The following CAMKMT variants were observed in gnomAD, a reference collection of about 807,000 sequenced individuals.
CAMKMT encodes calmodulin-lysine N-methyltransferase, also known as CaM KMT.
Under a neutral mutation model 48.0 loss-of-function variants are expected in CAMKMT, and 53 were observed. The ratio of observed to expected loss-of-function variants is 1.10; its 90% CI spans 0.89 to 1.39. The LOEUF (loss-of-function observed/expected upper bound fraction) is 1.39. CAMKMT is among the 40% of genes most tolerant of loss of function. The probability of loss-of-function intolerance (pLI) is 0.00; values close to 1 mark genes in which losing one functional copy is unlikely to be tolerated. For missense variants in CAMKMT, 428 were observed against 402.7 expected, an observed-to-expected ratio of 1.06 and a Z score of -0.54; for synonymous variants, 165 against 152.3, an observed-to-expected ratio of 1.08 and a Z score of -0.61.
At chr2:44,686,047 T>A (rs531676658) in intron 3 of CAMKMT, among the ~76,000 whole-genome samples, 1 of 152,294 alleles carries the variant, frequency 6.6e-6, no homozygotes, top group South Asian at 2.1e-4. Context: ...AAATTATGAC[T>A]TTCTGACAGA....
At chr2:44,692,510 C>T (rs946298885) in intron 3 of CAMKMT, among the ~76,000 whole-genome samples, 19 of 152,210 alleles carry the variant, frequency 1.2e-4, no homozygotes, top group African/African-American at 4.3e-4. Flanking sequence ...TTACTTGTGT[C>T]TATTTTCCCT....
At chr2:44,407,192 C>G (rs1682839413) in intron 3 of CAMKMT, among the ~76,000 whole-genome samples, 1 of 152,086 alleles carries the variant, frequency 6.6e-6, no homozygotes, top group African/African-American at 2.4e-5. Flanking sequence ...TAGTTTAGAG[C>G]CTGGGGTCTT....
intron 3 of CAMKMT, among the ~76,000 whole-genome samples, chr2:44,458,915 C>T (rs1667712731): frequency 6.6e-6 from 1 of 152,094 alleles, no homozygotes; most frequent in African/African-American, 2.4e-5. Flanking sequence ...GATAGAAGGA[C>T]TCTCAGATTG....
chr2:44,513,627 C>T (rs374977815), intron 3 of CAMKMT, among the ~76,000 whole-genome samples: 4 of 152,260 alleles, frequency 2.6e-5, no homozygotes, highest in East Asian at 1.9e-4. Context: ...GTTCCAAATG[C>T]GCCTTCTTCT....
chr2:44,441,510 A>G (rs1352690111), intron 3 of CAMKMT, among the ~76,000 whole-genome samples: 1 of 152,172 alleles, frequency 6.6e-6, no homozygotes, highest in Non-Finnish European at 1.5e-5. Context: ...TGTGCACTCA[A>G]TAGATGTAGA....
chr2:44,692,099 T>C (rs572291864), intron 3 of CAMKMT, among the ~76,000 whole-genome samples: 1 of 152,298 alleles, frequency 6.6e-6, no homozygotes, highest in East Asian at 1.9e-4. Context: ...CAAGGGCACA[T>C]TTATCCAAAG....
intron 3 of CAMKMT, among the ~76,000 whole-genome samples, chr2:44,440,486 C>A (rs1027370547): frequency 5.4e-5 from 8 of 147,328 alleles, no homozygotes; most frequent in South Asian, 2.1e-4. Context: ...ATAAAAGATA[C>A]ACAAACACTT....
chr2:44,494,779 T>G (rs907797991), intron 3 of CAMKMT, among the ~76,000 whole-genome samples: 1 of 152,148 alleles, frequency 6.6e-6, no homozygotes, highest in Non-Finnish European at 1.5e-5. Flanking sequence ...TATTAGTAAA[T>G]TAGAAAATTT....
chr2:44,416,141 T>C (rs1683534306), intron 3 of CAMKMT, among the ~76,000 whole-genome samples: 1 of 152,218 alleles, frequency 6.6e-6, no homozygotes, highest in African/African-American at 2.4e-5. Flanking sequence ...AAGCAATAGG[T>C]ACATACCTAC....
intron 3 of CAMKMT, among the ~76,000 whole-genome samples, chr2:44,425,006 T>G (rs1684187969): frequency 6.6e-6 from 1 of 152,170 alleles, no homozygotes; most frequent in African/African-American, 2.4e-5. Context: ...AACAAAAAAG[T>G]ACCCGTTTTG....
chr2:44,444,642 A>C (rs1056174592), intron 3 of CAMKMT, among the ~76,000 whole-genome samples: 1 of 152,166 alleles, frequency 6.6e-6, no homozygotes, highest in Non-Finnish European at 1.5e-5. Context: ...ACACACATAC[A>C]TGTGTGTGTA....
intron 9 of CAMKMT, among the ~76,000 whole-genome samples, chr2:44,765,070 A>C (rs991014221): frequency 6.6e-6 from 1 of 151,116 alleles, no homozygotes; most frequent in African/African-American, 2.4e-5. Flanking sequence ...TAAAAATACA[A>C]AAAAAAAATT....
At chr2:44,366,928 T>C (rs1316939867) in intron 1 of CAMKMT, among the ~76,000 whole-genome samples, 1 of 152,100 alleles carries the variant, frequency 6.6e-6, no homozygotes, top group Non-Finnish European at 1.5e-5. Context: ...TTTTGCCATG[T>C]TGCCCAGGCA....
At chr2:44,577,644 G>A (rs1669298723) in intron 3 of CAMKMT, among the ~76,000 whole-genome samples, 1 of 148,922 alleles carries the variant, frequency 6.7e-6, no homozygotes, top group South Asian at 2.2e-4. Flanking sequence ...AAGAAAGGAC[G>A]GGGAGGGGGA....
intron 1 of CAMKMT, among the ~76,000 whole-genome samples, chr2:44,371,497 C>G (rs538540298): frequency 2.0e-5 from 3 of 152,152 alleles, no homozygotes; most frequent in Non-Finnish European, 4.4e-5. Flanking sequence ...ATATATTTGG[C>G]TTTTCAAATA....
chr2:44,730,813 C>G (rs1007960198), intron 7 of CAMKMT, among the ~76,000 whole-genome samples: 1 of 152,176 alleles, frequency 6.6e-6, no homozygotes, highest in African/African-American at 2.4e-5. Flanking sequence ...CAAGAGTGAG[C>G]TGTGCCAACA....
intron 3 of CAMKMT, among the ~76,000 whole-genome samples, chr2:44,700,843 G>A (rs1677219317): frequency 6.6e-6 from 1 of 152,180 alleles, no homozygotes; most frequent in South Asian, 2.1e-4. Context: ...GTGCAGGGTT[G>A]CCACAAACCT....
intron 3 of CAMKMT, among the ~76,000 whole-genome samples, chr2:44,693,274 C>A (rs1052470013): frequency 1.3e-5 from 2 of 152,176 alleles, no homozygotes; most frequent in Admixed American, 6.6e-5. Context: ...CTGCCTAAAA[C>A]GTATCATTTA....
intron 3 of CAMKMT, among the ~76,000 whole-genome samples, chr2:44,453,127 G>A (rs763701075): frequency 6.6e-6 from 1 of 151,914 alleles, no homozygotes; most frequent in Non-Finnish European, 1.5e-5. Context: ...TGGCACTATT[G>A]TCTAATTTGG....
Sources: gnomAD v4.1 joint callset for allele counts (sites outside exome capture counted in the v4.1 genomes callset) on GRCh38, gnomAD v4.1.1 for gene constraint, MANE v1.5 for transcripts, NCBI Gene and HGNC (gene_info 2026-07-23, HGNC 2026-07-21) for gene names.